PCDHGA5: variants seen among roughly 807,000 people sequenced by gnomAD.
PCDHGA5 encodes protocadherin gamma-A5.
PCDHGA5 carries 36 observed loss-of-function variants against 56.7 expected under a neutral mutation model. The observed-to-expected ratio is 0.64, with a 90% CI of 0.49 to 0.84. The LOEUF is 0.84. Among genes scored for constraint, PCDHGA5 ranks in the 40% least tolerant of loss-of-function variants. The pLI is 0.00. For missense variants in PCDHGA5, 1,305 were observed against 1,201.5 expected (o/e 1.09, Z -1.27); for synonymous variants, 563 against 520.2 (o/e 1.08, Z -1.12).
intron 1 of PCDHGA5, chr5:141,376,210 C>G (rs112869528): frequency 6.2e-7 from 1 of 1,614,162 alleles, no homozygotes; most frequent in Non-Finnish European, 8.5e-7. Context: ...CCTTCGTCAT[C>G]GTGCTGCTGG....
At chr5:141,415,026 G>A in intron 1 of PCDHGA5, 1 of 1,613,590 alleles carries the variant, frequency 6.2e-7, no homozygotes, top group Non-Finnish European at 8.5e-7. Flanking sequence ...AGGCCAGCGA[G>A]CCGGGACTCT....
intron 1 of PCDHGA5, chr5:141,418,614 G>C: frequency 1.2e-6 from 2 of 1,613,994 alleles, no homozygotes; most frequent in Non-Finnish European, 1.7e-6. Flanking sequence ...GTTAGCCTTC[G>C]GGAAGACGTG....
chr5:141,403,051 C>G (rs1273209859), intron 1 of PCDHGA5: 1 of 1,614,086 alleles, frequency 6.2e-7, no homozygotes, highest in African/African-American at 1.3e-5. Flanking sequence ...AGATTCGCTA[C>G]TCAGTGCCTG....
At chr5:141,433,358 C>CCTAT (rs3074541) in intron 1 of PCDHGA5, 148,925 of 502,316 alleles carry the variant, frequency 0.3, 18,760 homozygotes, top group East Asian at 0.33. Flanking sequence ...CTACTGTCTG[C>CCTAT]CTATCTATCT....
chr5:141,400,515 T>C lies in PCDHGA5; in HGVS notation c.2421+33764T>C, dbSNP rs367864769. On this transcript the variant is annotated intron_variant, in intron 1 of 3. Coordinates refer to ENST00000518069, the MANE Select transcript of PCDHGA5 (RefSeq NM_018918.3). ...GTAATTCCAGCGAGTCGACTTCCCATCCTGAGTTGGTGAGTTTCATTTATG... is the reference window on the plus strand; with the variant it reads ...GTAATTCCAGCGAGTCGACTTCCCACCCTGAGTTGGTGAGTTTCATTTATG... 2,129 of 1,613,988 alleles carry C rather than the reference T, an allele frequency of 1.3e-3. 41 individuals are homozygous for C. In the South Asian group the frequency reaches 0.02, roughly 15 times the overall value.
At chr5:141,444,672 A>G (rs990955921) in intron 1 of PCDHGA5, among the ~76,000 whole-genome samples, 2 of 152,086 alleles carry the variant, frequency 1.3e-5, no homozygotes, top group Non-Finnish European at 2.9e-5. Flanking sequence ...ATTTTTTTCA[A>G]TACCATTTAT....
Position 141,368,541 on chromosome 5 carries a change from T to A in PCDHGA5, c.2421+1790T>A, listed in dbSNP as rs544013276. Among the ~76,000 whole-genome samples, 312 of 152,078 alleles carry A rather than the reference T, an allele frequency of 2.1e-3. 1 individual carries two copies. Among genetic ancestry groups the A allele is most frequent in the Middle Eastern group, 0.01 (3 of 292 alleles). On this transcript the variant is annotated intron_variant, in intron 1 of 3. Transcript: ENST00000518069. ...TCCTATGTGAAAACTTGCTTTTCCA[T>A]TTTTTTTAAAAGAAAATGTTATATG...
intron 1 of PCDHGA5, chr5:141,478,367 C>T (rs2099451272): frequency 1.2e-6 from 2 of 1,613,750 alleles, no homozygotes; most frequent in South Asian, 2.2e-5. Context: ...GCGGGGAGGC[C>T]TGATGTCGCC....
rs1340366910 is a variant in PCDHGA5 at position 141,490,965 on chromosome 5, C to T, written c.2422-3842C>T. The T allele has an allele frequency of 2.5e-6, 4 of 1,613,738 alleles. No homozygotes were observed. The highest frequency in any genetic ancestry group is 2.7e-5 in the African/African-American group (2 of 74,934). On this transcript the variant is annotated intron_variant, in intron 1 of 3. Transcript: ENST00000518069. This position sits in a 1 kb window ranked among gnomAD's most constrained non-coding sequence, Gnocchi z 5.4. Reference sequence around the variant, plus strand: ...CACGGCCAGACTGGGAACACTCAGCCCCCCAGCGTCTCCCTCGCTCTGCTC... The same window carrying T: ...CACGGCCAGACTGGGAACACTCAGCTCCCCAGCGTCTCCCTCGCTCTGCTC...
chr5:141,438,231 TG>T (rs987686126), intron 1 of PCDHGA5, among the ~76,000 whole-genome samples: 1 of 152,082 alleles, frequency 6.6e-6, no homozygotes, highest in African/African-American at 2.4e-5. Context: ...TTCAGGAAAA[TG>T]TTTTTAAAAA....
Position 141,477,609 on chromosome 5 carries a change from A to T in PCDHGA5, c.2422-17198A>T, listed in dbSNP as rs775454070. The T allele has an allele frequency of 6.2e-7, 1 of 1,614,192 alleles. No homozygotes were observed. The highest frequency in any genetic ancestry group is 1.1e-5 in the South Asian group (1 of 91,082). ...GCTCGGCTTTCTTTCTTTCTCTTGG[A>T]GCAAGGAGCTGAAACCGGGCTAGTG... On this transcript the variant is annotated intron_variant, in intron 1 of 3. Transcript: ENST00000518069. The surrounding 1 kb of genome is among the most constrained non-coding windows in gnomAD (Gnocchi z 4.9).
At chr5:141,396,813 T>A (rs1031435038) in intron 1 of PCDHGA5, among the ~76,000 whole-genome samples, 3 of 152,240 alleles carry the variant, frequency 2.0e-5, no homozygotes, top group Admixed American at 6.5e-5. Context: ...AGTGTTCTAC[T>A]GTATGGTGCA....
At chr5:141,501,570 G>C (rs1251110101) in intron 2 of PCDHGA5, among the ~76,000 whole-genome samples, 1 of 151,996 alleles carries the variant, frequency 6.6e-6, no homozygotes, top group African/African-American at 2.4e-5. Flanking sequence ...ATCATATTAG[G>C]CTGGCTTTCA....
intron 1 of PCDHGA5, chr5:141,413,019 C>T (rs1056458163): frequency 2.9e-6 from 2 of 683,106 alleles, no homozygotes; most frequent in Non-Finnish European, 4.7e-6. Flanking sequence ...ACTACACAAG[C>T]CCCACAAACC....
intron 1 of PCDHGA5, among the ~76,000 whole-genome samples, chr5:141,437,360 G>T (rs1432098876): frequency 6.6e-6 from 1 of 152,144 alleles, no homozygotes; most frequent in Non-Finnish European, 1.5e-5. Context: ...ACCTAAAATT[G>T]GAATGTAATC....
At chr5:141,461,281 C>T (rs1305044383) in intron 1 of PCDHGA5, among the ~76,000 whole-genome samples, 1 of 152,050 alleles carries the variant, frequency 6.6e-6, no homozygotes, top group Non-Finnish European at 1.5e-5. Flanking sequence ...CTCTTTTCCC[C>T]ACATCCACAC....
Position 141,491,590 on chromosome 5 carries a change from G to A in PCDHGA5, c.2422-3217G>A, listed in dbSNP as rs376104513. ...GACGTGCTTTTCACCGGCCTCGGAC[G>A]GCAGTGACTTCACTTTTCTAAGACC... On this transcript the variant is annotated intron_variant, in intron 1 of 3. Transcript: ENST00000518069. The surrounding 1 kb of genome is among the most constrained non-coding windows in gnomAD (Gnocchi z 6.9). 15 of 1,613,828 alleles carry A rather than the reference G, an allele frequency of 9.3e-6. No homozygotes were observed. In the African/African-American group the frequency reaches 2.0e-4, roughly 22 times the overall value.
chr5:141,372,154 T>A, intron 1 of PCDHGA5: 1 of 1,613,784 alleles, frequency 6.2e-7, no homozygotes, highest in East Asian at 2.2e-5. Flanking sequence ...CCTGGCTACC[T>A]GGTGACCAAG....
chr5:141,370,397 G>A (rs752574370), intron 1 of PCDHGA5: 2 of 1,549,034 alleles, frequency 1.3e-6, no homozygotes, highest in African/African-American at 2.8e-5. Context: ...AGAGCGGGAT[G>A]GGAAATAGCT....
Sources: allele counts gnomAD v4.1 joint callset (sites outside exome capture counted in the v4.1 genomes callset), GRCh38; gene constraint gnomAD v4.1.1; non-coding constraint Gnocchi (gnomAD v3.1); transcripts MANE v1.5; gene names NCBI Gene and HGNC (gene_info 2026-07-23, HGNC 2026-07-21).